The following ACVR1 variants were observed in gnomAD, a reference collection of about 807,000 sequenced individuals.
ACVR1 encodes activin receptor type-1.
A neutral mutation model predicts 57.1 loss-of-function variants in ACVR1; 38 were observed. The ratio of observed to expected loss-of-function variants is 0.67; its 90% CI spans 0.51 to 0.87. The LOEUF is 0.87. ACVR1 is among the 40% of genes least tolerant of loss of function. The probability of loss-of-function intolerance (pLI) is 0.00; values close to 1 mark genes in which losing one functional copy is unlikely to be tolerated. For missense variants in ACVR1, 463 were observed against 638.2 expected (o/e 0.73, Z 2.96); for synonymous variants, 212 against 228.1 (o/e 0.93, Z 0.63).
Position 157,738,441 on chromosome 2 carries a change from G to T in ACVR1, c.1394C>A (p.Pro465Gln). 6.2e-7 allele frequency: 1 copy of T among 1,614,042 alleles called. No individual in the cohort carries two copies. The highest frequency in any genetic ancestry group is 1.7e-5 in the Admixed American group (1 of 60,002). Residue 465 changes from proline (P) to glutamine (Q), a missense_variant and splice_region_variant, in exon 10 of 11, where the codon CCG becomes CAG. By Grantham distance (76) the Pro-to-Gln change is moderately conservative. Transcript: ENST00000434821. The part of the protein sequence containing the change: ...PNIPNRWFSD[P>Q]TLTSLAKLMK... ...AAACTGAGAAACTGGCATTCTTACC[G>T]GGTCTGAGAACCATCTGTTGGGTAT... is the stretch of plus-strand genomic sequence containing the variant.
At chr2:157,855,677 G>A (rs983569672) in intron 1 of ACVR1, among the ~76,000 whole-genome samples, 2 of 152,018 alleles carry the variant, frequency 1.3e-5, no homozygotes, top group Non-Finnish European at 2.9e-5. Flanking sequence ...AGGGGGAAGA[G>A]CTTTATAAAC....
intron 1 of ACVR1, among the ~76,000 whole-genome samples, chr2:157,825,487 G>A (rs1688312465): frequency 6.6e-6 from 1 of 152,110 alleles, no homozygotes; most frequent in African/African-American, 2.4e-5. Flanking sequence ...GAGGTAAGGG[G>A]CTGGCAAGTG....
At chr2:157,834,311 T>A (rs1688699417) in intron 1 of ACVR1, among the ~76,000 whole-genome samples, 1 of 152,176 alleles carries the variant, frequency 6.6e-6, no homozygotes, top group Non-Finnish European at 1.5e-5. Context: ...CAGGATGGTC[T>A]CGATCTCCTG....
At chr2:157,823,664 G>A (rs1045955280) in intron 1 of ACVR1, among the ~76,000 whole-genome samples, 1 of 151,934 alleles carries the variant, frequency 6.6e-6, no homozygotes, top group Non-Finnish European at 1.5e-5. Flanking sequence ...GACAAAAGGG[G>A]CCCGCTATGG....
intron 1 of ACVR1, among the ~76,000 whole-genome samples, chr2:157,827,510 A>C (rs539880625): frequency 7.2e-5 from 11 of 152,194 alleles, no homozygotes; most frequent in Non-Finnish European, 1.0e-4. Context: ...GTAATGAGTT[A>C]ATCTGAAAAA....
chr2:157,780,837 T>C (rs75440761), intron 3 of ACVR1, among the ~76,000 whole-genome samples: 7,482 of 135,946 alleles, frequency 0.055, 664 homozygotes, highest in African/African-American at 0.18. Context: ...TTTTAGATCA[T>C]ATTAGGACAA....
chr2:157,862,356 G>A (rs1265007055), intron 1 of ACVR1, among the ~76,000 whole-genome samples: 1 of 150,950 alleles, frequency 6.6e-6, no homozygotes, highest in Non-Finnish European at 1.5e-5. Flanking sequence ...TTCATTCATT[G>A]CAACAATTTC....
chr2:157,771,351 C>T (rs1470786284), intron 6 of ACVR1, among the ~76,000 whole-genome samples: 3 of 152,150 alleles, frequency 2.0e-5, no homozygotes, highest in African/African-American at 7.2e-5. Flanking sequence ...GTGCATGGCC[C>T]CCTCTTGCAG....
At chr2:157,797,315 T>C (rs771795276) in intron 3 of ACVR1, among the ~76,000 whole-genome samples, 2 of 152,242 alleles carry the variant, frequency 1.3e-5, no homozygotes, top group Non-Finnish European at 2.9e-5. Context: ...TTGTTGGCTA[T>C]ACTAACTTGT....
At chr2:157,841,577 C>T (rs1688976391) in intron 1 of ACVR1, among the ~76,000 whole-genome samples, 1 of 152,154 alleles carries the variant, frequency 6.6e-6, no homozygotes, top group South Asian at 2.1e-4. Context: ...CAGCAGCACA[C>T]ACTTGTAGAG....
chr2:157,804,316 CT>C (rs1687440469), intron 2 of ACVR1, among the ~76,000 whole-genome samples: 1 of 152,182 alleles, frequency 6.6e-6, no homozygotes, highest in Non-Finnish European at 1.5e-5. Context: ...TTTCATTAAC[CT>C]CTCTAACATC....
chr2:157,836,702 C>A (rs1688794183), intron 1 of ACVR1, among the ~76,000 whole-genome samples: 1 of 152,178 alleles, frequency 6.6e-6, no homozygotes, highest in Non-Finnish European at 1.5e-5. Flanking sequence ...ACTGAGTCCC[C>A]AGTCCCTACC....
chr2:157,783,924 C>G lies in ACVR1; in HGVS notation c.68-3324G>C, dbSNP rs188283108. 2.6e-3 allele frequency among the ~76,000 whole-genome samples: 392 copies of G among 152,342 alleles called. 2 individuals carry two copies. Among genetic ancestry groups the G allele is most frequent in the African/African-American group, 9.1e-3 (380 of 41,572 alleles). On this transcript the variant is annotated intron_variant, in intron 3 of 10. Coordinates refer to ENST00000434821, the MANE Select transcript of ACVR1 (RefSeq NM_001111067.4). ...GACAGGATGACCACACAGGTGCACA[C>G]ACATGCATGCACACACTCACATTCG... is the stretch of plus-strand genomic sequence containing the variant.
chr2:157,826,864 GGGAAA>G (rs137947402), intron 1 of ACVR1, among the ~76,000 whole-genome samples: 6,995 of 105,534 alleles, frequency 0.066, 324 homozygotes, highest in Non-Finnish European at 0.096. Context: ...GAAGAAGGAA[GGGAAA>G]GGAAAGGAAA....
At position 157,788,015 on chromosome 2, in the gene ACVR1, C is replaced by T. The variant is rs148860073; in HGVS notation, c.68-7415G>A. Among the ~76,000 whole-genome samples, 342 of 152,310 alleles carry T rather than the reference C, an allele frequency of 2.2e-3. 14 individuals carry two copies. In the East Asian group the frequency reaches 0.051, roughly 23 times the overall value. On this transcript the variant is annotated intron_variant, in intron 3 of 10. Coordinates refer to ENST00000434821, the MANE Select transcript of ACVR1 (RefSeq NM_001111067.4). ...AGCCTTTCTGGAAGCTTTCAAACTA[C>T]AGAGACAAACCCTTCAAAAGTTAAG...
At chr2:157,768,721 A>G (rs1685966755) in intron 7 of ACVR1, among the ~76,000 whole-genome samples, 1 of 152,164 alleles carries the variant, frequency 6.6e-6, no homozygotes, top group Admixed American at 6.5e-5. Flanking sequence ...TTTGAGTACA[A>G]AACTGTGGTT....
At chr2:157,837,641 T>C (rs1688830187) in intron 1 of ACVR1, among the ~76,000 whole-genome samples, 1 of 152,212 alleles carries the variant, frequency 6.6e-6, no homozygotes, top group African/African-American at 2.4e-5. Flanking sequence ...ACAATTTCTA[T>C]TGTCACACAC....
In ACVR1 at chr2:157,845,193, G is replaced by C. The variant is rs1689092850; in HGVS notation, c.-182-26634C>G. Among the ~76,000 whole-genome samples the C allele has an allele frequency of 2.0e-5, 3 of 152,218 alleles. No homozygotes were observed. The South Asian group carries it at 6.2e-4, about 32-fold the overall frequency. On this transcript the variant is annotated intron_variant, in intron 1 of 10. Coordinates refer to ENST00000434821, the MANE Select transcript of ACVR1 (RefSeq NM_001111067.4). ...TAAGTTATGACTGCTGACTGAGGTA[G>C]TGTAGTGGGTTGAACAGTAGCCTGC...
chr2:157,823,741 G>A (rs372368585), intron 1 of ACVR1, among the ~76,000 whole-genome samples: 2 of 152,112 alleles, frequency 1.3e-5, no homozygotes, highest in African/African-American at 4.8e-5. Flanking sequence ...CCTACACTCC[G>A]TAACCTCGAA....
Sources: allele counts gnomAD v4.1 joint callset (sites outside exome capture counted in the v4.1 genomes callset), GRCh38; gene constraint gnomAD v4.1.1; transcripts MANE v1.5; gene names NCBI Gene and HGNC (gene_info 2026-07-23, HGNC 2026-07-21).